The following RYR3 variants were observed in gnomAD, a reference collection of about 807,000 sequenced individuals.
RYR3 encodes brain ryanodine receptor-calcium release channel.
RYR3 carries 207 observed loss-of-function variants against 584.3 expected under a neutral mutation model. The observed-to-expected ratio is 0.35, with a 90% CI of 0.32 to 0.40. The LOEUF (loss-of-function observed/expected upper bound fraction) is 0.40. RYR3 is among the 10% of genes least tolerant of loss of function. RYR3 has a pLI of 1.00. For missense variants in RYR3, 5,616 were observed against 6,089.2 expected (o/e 0.92, Z 2.59); for synonymous variants, 2,416 against 2,248.5 (o/e 1.07, Z -2.11).
intron 38 of RYR3, among the ~76,000 whole-genome samples, chr15:33,673,151 T>A (rs2063949894): frequency 1.3e-5 from 2 of 152,244 alleles, no homozygotes; most frequent in Non-Finnish European, 2.9e-5. Context: ...ACTACATCTG[T>A]GAGATATCTC....
chr15:33,538,829 C>G (rs1306826501), intron 5 of RYR3, among the ~76,000 whole-genome samples: 1 of 152,094 alleles, frequency 6.6e-6, no homozygotes, highest in Non-Finnish European at 1.5e-5. Flanking sequence ...ACCTGCTTTC[C>G]TTTTTCCAAA....
At chr15:33,338,045 C>A (rs572237183) in intron 1 of RYR3, among the ~76,000 whole-genome samples, 42 of 147,192 alleles carry the variant, frequency 2.9e-4, no homozygotes, top group African/African-American at 1.0e-3. Flanking sequence ...CTTGGGTTCA[C>A]GCCATTCTCT....
chr15:33,487,814 C>G (rs1189384515), intron 2 of RYR3, among the ~76,000 whole-genome samples: 1 of 152,228 alleles, frequency 6.6e-6, no homozygotes, highest in African/African-American at 2.4e-5. Flanking sequence ...TGTTCAGATT[C>G]TGAAAAACAT....
chr15:33,710,511 G>A (rs2067032282), intron 43 of RYR3, among the ~76,000 whole-genome samples: 2 of 151,924 alleles, frequency 1.3e-5, no homozygotes, highest in Admixed American at 6.6e-5. Flanking sequence ...CTACCATCCT[G>A]GGGTCTGGAG....
At chr15:33,754,039 G>A (rs2071578047) in intron 57 of RYR3, among the ~76,000 whole-genome samples, 1 of 152,138 alleles carries the variant, frequency 6.6e-6, no homozygotes, top group African/African-American at 2.4e-5. Flanking sequence ...CAGCTACTCG[G>A]GAGGCTGAGG....
chr15:33,377,573 A>T (rs1007327709), intron 1 of RYR3, among the ~76,000 whole-genome samples: 2 of 152,194 alleles, frequency 1.3e-5, no homozygotes, highest in African/African-American at 4.8e-5. Flanking sequence ...TTTCATATGC[A>T]AGGGATTATA....
In RYR3 at chr15:33,445,920, G is replaced by A. The variant is rs145059517; in HGVS notation, c.52-27499G>A. Among the ~76,000 whole-genome samples the A allele has an allele frequency of 5.4e-3, 828 of 152,198 alleles. 6 individuals are homozygous for A. The highest frequency in any genetic ancestry group is 0.019 in the African/African-American group (771 of 41,536). ...TTACATTATGTAACATTAAGATCCC[G>A]AATGTTCTGGGACCCTGAGACGCGT... On this transcript the variant is annotated intron_variant, in intron 1 of 103. Transcript: ENST00000634891.
In RYR3 at chr15:33,696,353, C is replaced by G. The variant is rs370551971; in HGVS notation, c.5996C>G (p.Ala1999Gly). The change falls in exon 39 of 104, where the codon GCG becomes GGG. Residue 1999 changes from alanine (A) to glycine (G), a missense_variant. Ala to Gly is a moderately conservative substitution (Grantham distance 60). This residue lies in a region of RYR3 where 1,280 missense variants were observed against 1,426.2 expected (regional missense o/e 0.90). Transcript: ENST00000634891. Reference protein sequence around the residue: ...QYDSIGELLQALRKTYTISHT... With the variant: ...QYDSIGELLQGLRKTYTISHT... ...GACAGCATTGGGGAGCTGCTGCAGG[C>G]GCTGCGGAAGACCTACACCATCAGC... The G allele has an allele frequency of 1.2e-6, 2 of 1,613,866 alleles. No homozygotes were observed. Among genetic ancestry groups the G allele is most frequent in the Non-Finnish European group, 1.7e-6 (2 of 1,179,872 alleles).
intron 62 of RYR3, 79 bp from the exon 63 acceptor site, chr15:33,771,841 A>G: frequency 2.1e-6 from 2 of 952,392 alleles, no homozygotes; most frequent in East Asian, 2.6e-5. Flanking sequence ...GTCTGCCCAG[A>G]TGACACTGCC....
intron 33 of RYR3, 72 bp from the exon 34 acceptor site, chr15:33,660,125 C>A (rs2279663): frequency 2.0e-6 from 2 of 1,001,768 alleles, no homozygotes; most frequent in Admixed American, 4.2e-5. Context: ...CTGGCCATAT[C>A]GGTTAAAATG....
chr15:33,691,206 A>G (rs189155993), intron 38 of RYR3, among the ~76,000 whole-genome samples: 15 of 152,358 alleles, frequency 9.8e-5, no homozygotes, highest in Admixed American at 5.2e-4. Flanking sequence ...TCATTGGTCT[A>G]TCTTGCACAT....
intron 1 of RYR3, among the ~76,000 whole-genome samples, chr15:33,437,952 G>A (rs1255262704): frequency 6.6e-6 from 1 of 152,014 alleles, no homozygotes; most frequent in African/African-American, 2.4e-5. Flanking sequence ...TGAACTCCTG[G>A]CGTCAGCATT....
intron 85 of RYR3, among the ~76,000 whole-genome samples, chr15:33,827,951 C>T (rs1379627101): frequency 6.6e-6 from 1 of 152,206 alleles, no homozygotes; most frequent in Non-Finnish European, 1.5e-5. Context: ...TATTATTGTG[C>T]TTCACAGATG....
chr15:33,541,981 A>G (rs1435104), intron 7 of RYR3, among the ~76,000 whole-genome samples: 151,774 of 152,238 alleles, frequency 1, 75,659 homozygotes, highest in Middle Eastern at 1. Context: ...TATTTTCACC[A>G]TAGGAATAAA....
intron 52 of RYR3, among the ~76,000 whole-genome samples, chr15:33,742,803 T>TG (rs11378841): frequency 0.39 from 58,646 of 151,496 alleles, 11,339 homozygotes; most frequent in South Asian, 0.53. Context: ...GAATGCAGAT[T>TG]GGAAAAAAAA....
chr15:33,836,862 TG>T (rs1378402676), intron 87 of RYR3, 43 bp from the exon 88 acceptor site: 1 of 1,520,300 alleles, frequency 6.6e-7, no homozygotes, highest in Non-Finnish European at 9.1e-7. Flanking sequence ...TGTACTTTAC[TG>T]AGGGATCAGA....
rs376373990 is a variant in RYR3, at chr15:33,809,338, G to A, written c.10027-1141G>A. Reference sequence around the variant, plus strand: ...ATAGCGTAAAGCTTTGGTGAGCACCGCTTCTTTCCCAGAGTCCCTGACTTG... The same window carrying A: ...ATAGCGTAAAGCTTTGGTGAGCACCACTTCTTTCCCAGAGTCCCTGACTTG... On this transcript the variant is annotated intron_variant, in intron 70 of 103. Transcript: ENST00000634891. Among the ~76,000 whole-genome samples, 165 of 152,282 alleles carry A rather than the reference G, an allele frequency of 1.1e-3. 4 individuals carry two copies. In the South Asian group the frequency reaches 0.034, roughly 31 times the overall value.
chr15:33,788,575 G>A (rs926014966), intron 67 of RYR3, 117 bp downstream of exon 67: 25 of 1,154,166 alleles, frequency 2.2e-5, no homozygotes, highest in African/African-American at 1.6e-4. Flanking sequence ...GGCGATAGCC[G>A]CCCCCACCAT....
At chr15:33,777,582 A>C (rs113435760) in intron 64 of RYR3, among the ~76,000 whole-genome samples, 2 of 152,180 alleles carry the variant, frequency 1.3e-5, no homozygotes, top group African/African-American at 4.8e-5. Flanking sequence ...AGAGTAGAAA[A>C]TGCCCTGTTG....
Sources: allele counts gnomAD v4.1 joint callset (sites outside exome capture counted in the v4.1 genomes callset), GRCh38; gene constraint gnomAD v4.1.1; regional missense constraint gnomAD v4.1.1; transcripts MANE v1.5; gene names NCBI Gene and HGNC (gene_info 2026-07-23, HGNC 2026-07-21).